The following LRRC37A2 variants were observed in gnomAD, a reference collection of about 807,000 sequenced individuals.
The protein encoded by LRRC37A2 is leucine-rich repeat-containing protein 37A2.
Under a neutral mutation model 68.8 loss-of-function variants are expected in LRRC37A2, and 9 were observed. The ratio of observed to expected loss-of-function variants is 0.13; its 90% confidence interval spans 0.08 to 0.23. The LOEUF (loss-of-function observed/expected upper bound fraction) is 0.23. Among genes scored for constraint, LRRC37A2 ranks in the 10% least tolerant of loss-of-function variants. The probability of loss-of-function intolerance (pLI) is 1.00; values close to 1 mark genes in which losing one functional copy is unlikely to be tolerated. For synonymous variants in LRRC37A2, 63 were observed against 367.6 expected, an observed-to-expected ratio of 0.17 and a Z score of 9.48; for missense variants, 168 against 950.4, an observed-to-expected ratio of 0.18 and a Z score of 10.82.
chr17:46,532,101 G>T (rs1333731160), intron 6 of LRRC37A2, among the ~76,000 whole-genome samples: 7 of 150,438 alleles, frequency 4.7e-5, no homozygotes, highest in Non-Finnish European at 7.4e-5. Context: ...GTTTCAGCAC[G>T]TTTATCAGGC....
the LRRC37A2 span, chr17:47,027,620 G>A: frequency 8.0e-7 from 1 of 1,254,896 alleles, no homozygotes; most frequent in Non-Finnish European, 1.2e-6. Flanking sequence ...TACCATTTTT[G>A]AAGTTTATGT....
At chr17:46,805,727 G>A in the LRRC37A2 span, among the ~76,000 whole-genome samples, 3 of 152,278 alleles carry the variant, frequency 2.0e-5, no homozygotes, top group African/African-American at 7.2e-5. Flanking sequence ...CTCCAGCCTG[G>A]GCAACAGAGC....
At chr17:46,940,145 G>A in the LRRC37A2 span, 2 of 1,302,068 alleles carry the variant, frequency 1.5e-6, no homozygotes, top group East Asian at 3.3e-5. Context: ...CCGCTGCTCT[G>A]TAGTCATGTT....
chr17:46,897,500 A>C, the LRRC37A2 span, among the ~76,000 whole-genome samples: 1 of 152,138 alleles, frequency 6.6e-6, no homozygotes, highest in African/African-American at 2.4e-5. Context: ...CTAGGTTACC[A>C]TGAGCCAGTA....
At chr17:46,820,138 G>A in the LRRC37A2 span, among the ~76,000 whole-genome samples, 2 of 152,344 alleles carry the variant, frequency 1.3e-5, no homozygotes, top group East Asian at 3.9e-4. Context: ...CCTTTGATCT[G>A]AGCCCCCCGT....
chr17:46,721,920 A>G, the LRRC37A2 span: 5 of 1,594,328 alleles, frequency 3.1e-6, no homozygotes, highest in East Asian at 4.5e-5. Flanking sequence ...TTTTTCTCCA[A>G]TTCGCGTACT....
At chr17:46,896,452 A>AAAGAAAG in the LRRC37A2 span, among the ~76,000 whole-genome samples, 47 of 65,880 alleles carry the variant, frequency 7.1e-4, 2 homozygotes, top group Non-Finnish European at 1.2e-3. Context: ...GAAAGAAAGA[A>AAAGAAAG]AAAGAAAGAA....
the LRRC37A2 span, among the ~76,000 whole-genome samples, chr17:46,630,932 T>C: frequency 7.3e-6 from 1 of 137,510 alleles, no homozygotes; most frequent in Admixed American, 7.5e-5. Context: ...AAAAATTGTA[T>C]TTATAGAAAG....
the LRRC37A2 span, among the ~76,000 whole-genome samples, chr17:46,488,459 C>CT: frequency 4.6e-5 from 3 of 65,634 alleles, no homozygotes; most frequent in African/African-American, 1.9e-4. Context: ...GTAATCCTAG[C>CT]ACTTTGGGAG....
At chr17:46,959,549 A>G in the LRRC37A2 span, among the ~76,000 whole-genome samples, 14 of 142,930 alleles carry the variant, frequency 9.8e-5, no homozygotes, top group Admixed American at 3.4e-4. Context: ...GGTTTTTGGG[A>G]AAAAAACACT....
the LRRC37A2 span, chr17:46,770,072 A>G: frequency 1.3e-6 from 2 of 1,526,738 alleles, no homozygotes; most frequent in Admixed American, 2.0e-5. Flanking sequence ...GTGGGGAGGC[A>G]GCACTCAGGA....
the LRRC37A2 span, among the ~76,000 whole-genome samples, chr17:46,853,511 A>G: frequency 1.3e-5 from 2 of 151,880 alleles, no homozygotes; most frequent in Admixed American, 1.3e-4. Flanking sequence ...AGCTGGGACT[A>G]TAGGCGCGTG....
the LRRC37A2 span, chr17:46,931,954 G>T: frequency 1.2e-6 from 1 of 867,522 alleles, no homozygotes; most frequent in South Asian, 1.3e-5. Context: ...ATAGTGTGGG[G>T]TGGTGTAGGG....
the LRRC37A2 span, among the ~76,000 whole-genome samples, chr17:46,730,714 A>G: frequency 2.0e-5 from 3 of 152,172 alleles, no homozygotes; most frequent in Non-Finnish European, 4.4e-5. Flanking sequence ...AAGTGTTTTC[A>G]TATTGCTGGA....
chr17:46,800,519 C>G, the LRRC37A2 span, among the ~76,000 whole-genome samples: 416 of 116,020 alleles, frequency 3.6e-3, no homozygotes, highest in South Asian at 6.5e-3. Context: ...GGGGCTGACT[C>G]TTACACTGGG....
At chr17:46,601,879 A>T in the LRRC37A2 span, among the ~76,000 whole-genome samples, 2 of 106,196 alleles carry the variant, frequency 1.9e-5, no homozygotes, top group African/African-American at 5.8e-5. Flanking sequence ...CCACTCCTTT[A>T]AAAAAAAAAA....
At chr17:46,948,259 A>G in the LRRC37A2 span, among the ~76,000 whole-genome samples, 2 of 152,212 alleles carry the variant, frequency 1.3e-5, no homozygotes, top group Non-Finnish European at 1.5e-5. Flanking sequence ...GCCAGTGCAT[A>G]CTGCCATGCC....
the LRRC37A2 span, among the ~76,000 whole-genome samples, chr17:46,649,712 ATC>A: frequency 7.5e-6 from 1 of 134,050 alleles, no homozygotes; most frequent in African/African-American, 3.1e-5. Context: ...TGGAGCAGGA[ATC>A]TCTGTCTCAA....
intron 6 of LRRC37A2, chr17:46,528,895 C>T (rs1318050195): frequency 1.5e-6 from 1 of 666,298 alleles, no homozygotes; most frequent in Non-Finnish European, 2.7e-6. Flanking sequence ...GTTACTTTCT[C>T]CCCAAGTACA....
Sources: gnomAD v4.1 joint callset for allele counts (sites outside exome capture counted in the v4.1 genomes callset) on GRCh38, gnomAD v4.1.1 for gene constraint, MANE v1.5 for transcripts, NCBI Gene and HGNC (gene_info 2026-07-23, HGNC 2026-07-21) for gene names.